The following TNR variants were observed in gnomAD, a reference collection of about 807,000 sequenced individuals.
TNR encodes tenascin-R.
Under a neutral mutation model 150.4 loss-of-function variants are expected in TNR, and 45 were observed. The ratio of observed to expected loss-of-function variants is 0.30; its 90% CI spans 0.24 to 0.38. The LOEUF is 0.38. Ranked by LOEUF, TNR falls within the 10% of genes least tolerant of loss-of-function variation. The pLI is 1.00. For synonymous variants in TNR, 687 were observed against 678.4 expected (o/e 1.01, Z -0.20); for missense variants, 1,544 against 1,759.1 (o/e 0.88, Z 2.19).
chr1:175,699,088 G>T (rs1324467883), intron 1 of TNR, among the ~76,000 whole-genome samples: 1 of 152,204 alleles, frequency 6.6e-6, no homozygotes, highest in Admixed American at 6.5e-5. Flanking sequence ...GAAGTGATAA[G>T]AAGTGGTTTG....
chr1:175,459,425 G>A (rs1656718908), intron 2 of TNR, among the ~76,000 whole-genome samples: 1 of 152,206 alleles, frequency 6.6e-6, no homozygotes, highest in Admixed American at 6.5e-5. Context: ...GCTCACACCA[G>A]TGCAAAATGA....
At chr1:175,519,363 A>G (rs1167845684) in intron 2 of TNR, among the ~76,000 whole-genome samples, 4 of 152,332 alleles carry the variant, frequency 2.6e-5, no homozygotes, top group Non-Finnish European at 2.9e-5. Context: ...CTCATGGTGG[A>G]CTAGACCTCA....
chr1:175,455,633 G>A (rs1008930521), intron 2 of TNR, among the ~76,000 whole-genome samples: 3 of 152,194 alleles, frequency 2.0e-5, no homozygotes, highest in African/African-American at 4.8e-5. Flanking sequence ...TCAGAAGGAG[G>A]AGACATTTGA....
At chr1:175,717,862 A>G (rs1366875730) in intron 1 of TNR, among the ~76,000 whole-genome samples, 1 of 152,216 alleles carries the variant, frequency 6.6e-6, no homozygotes, top group Non-Finnish European at 1.5e-5. Flanking sequence ...ACACACACAC[A>G]CACAGCTAAT....
At chr1:175,643,057 G>T (rs527680144) in intron 1 of TNR, among the ~76,000 whole-genome samples, 2 of 152,316 alleles carry the variant, frequency 1.3e-5, no homozygotes, top group African/African-American at 4.8e-5. Flanking sequence ...AACGTTAATA[G>T]AATTTTATAA....
At chr1:175,571,647 C>T (rs1257119868) in intron 1 of TNR, among the ~76,000 whole-genome samples, 1 of 152,208 alleles carries the variant, frequency 6.6e-6, no homozygotes, top group African/African-American at 2.4e-5. Context: ...CATTTAGCCA[C>T]ACCTTTGCAT....
intron 2 of TNR, among the ~76,000 whole-genome samples, chr1:175,422,801 G>T (rs915893523): frequency 1.3e-5 from 2 of 152,180 alleles, no homozygotes; most frequent in Admixed American, 6.5e-5. Flanking sequence ...CTGGTTTCCT[G>T]GATTACACAG....
chr1:175,409,579 A>G (rs190977182), intron 2 of TNR, among the ~76,000 whole-genome samples: 1 of 152,322 alleles, frequency 6.6e-6, no homozygotes, highest in Admixed American at 6.5e-5. Flanking sequence ...ATTCAAATGT[A>G]GGTTTTATTA....
At chr1:175,363,682 T>C (rs1327390254) in intron 13 of TNR, 26 bp downstream of exon 13, 1 of 1,609,856 alleles carries the variant, frequency 6.2e-7, no homozygotes, top group Non-Finnish European at 8.5e-7. Flanking sequence ...TCCTAGTATC[T>C]TTGAGAAATC....
chr1:175,325,787 A>G (rs1649347025), intron 21 of TNR, among the ~76,000 whole-genome samples: 1 of 150,116 alleles, frequency 6.7e-6, no homozygotes, highest in South Asian at 2.2e-4. Flanking sequence ...CAAACACAGC[A>G]TGTTCTCACT....
At chr1:175,344,837 T>C (rs1359450535) in intron 18 of TNR, among the ~76,000 whole-genome samples, 1 of 152,120 alleles carries the variant, frequency 6.6e-6, no homozygotes, top group Non-Finnish European at 1.5e-5. Flanking sequence ...AGAGGGAACA[T>C]TGCGCAACTC....
At chr1:175,342,632 T>A (rs1346097683) in intron 18 of TNR, among the ~76,000 whole-genome samples, 1 of 152,202 alleles carries the variant, frequency 6.6e-6, no homozygotes, top group Non-Finnish European at 1.5e-5. Flanking sequence ...CAGGATGTAG[T>A]GGTGGGAACC....
intron 1 of TNR, among the ~76,000 whole-genome samples, chr1:175,587,565 A>G (rs1662623153): frequency 6.6e-6 from 1 of 152,222 alleles, no homozygotes; most frequent in African/African-American, 2.4e-5. Context: ...AAAGTTGTGT[A>G]GCATGCTCCA....
At chr1:175,390,613 C>A (rs1236365991) in intron 7 of TNR, among the ~76,000 whole-genome samples, 1 of 152,204 alleles carries the variant, frequency 6.6e-6, no homozygotes, top group African/African-American at 2.4e-5. Flanking sequence ...ATATAATAAT[C>A]TTGAATGAGG....
At chr1:175,359,411 G>A (rs1175412432) in intron 15 of TNR, among the ~76,000 whole-genome samples, 1 of 152,060 alleles carries the variant, frequency 6.6e-6, no homozygotes, top group East Asian at 1.9e-4. Flanking sequence ...CTCCCAAAGT[G>A]TTGGGATTAC....
At chr1:175,490,873 A>G (rs1451049475) in intron 2 of TNR, among the ~76,000 whole-genome samples, 1 of 152,260 alleles carries the variant, frequency 6.6e-6, no homozygotes, top group Non-Finnish European at 1.5e-5. Context: ...TACTGGGTAT[A>G]TACCCAAAAA....
intron 1 of TNR, among the ~76,000 whole-genome samples, chr1:175,639,031 T>G (rs1440980440): frequency 1.4e-4 from 21 of 152,198 alleles, no homozygotes; most frequent in Non-Finnish European, 1.5e-5. Flanking sequence ...CTTCAGAATA[T>G]ATTCAAGATT....
At chr1:175,390,465 C>G (rs1271538977) in intron 7 of TNR, among the ~76,000 whole-genome samples, 1 of 152,208 alleles carries the variant, frequency 6.6e-6, no homozygotes, top group African/African-American at 2.4e-5. Context: ...CTATTTATAA[C>G]TTTCGAGACA....
At chr1:175,654,004 G>A (rs1665095891) in intron 1 of TNR, among the ~76,000 whole-genome samples, 3 of 151,978 alleles carry the variant, frequency 2.0e-5, no homozygotes, top group Non-Finnish European at 4.4e-5. Flanking sequence ...TTTCTACAAG[G>A]GATTTTTATT....
Sources: allele counts gnomAD v4.1 joint callset (sites outside exome capture counted in the v4.1 genomes callset), GRCh38; gene constraint gnomAD v4.1.1; transcripts MANE v1.5; gene names NCBI Gene and HGNC (gene_info 2026-07-23, HGNC 2026-07-21).